Variants in ENAH observed in about 807,000 individuals in gnomAD.
ENAH encodes the protein ENAH actin regulator, also known as protein enabled homolog.
In ENAH, 23 loss-of-function variants were observed where a neutral mutation model predicts 78.7. The ratio of observed to expected loss-of-function variants is 0.29; its 90% CI spans 0.21 to 0.41. The LOEUF is 0.41. Ranked by LOEUF, ENAH falls within the 10% of genes least tolerant of loss-of-function variation. ENAH has a pLI of 1.00. For missense variants in ENAH, 544 were observed against 691.0 expected, an observed-to-expected ratio of 0.79 and a Z score of 2.39; for synonymous variants, 226 against 241.0, an observed-to-expected ratio of 0.94 and a Z score of 0.58.
intron 1 of ENAH, among the ~76,000 whole-genome samples, chr1:225,651,326 T>G (rs1283804513): frequency 6.6e-6 from 1 of 151,064 alleles, no homozygotes; most frequent in South Asian, 2.1e-4. Context: ...TAAGCCTAAG[T>G]AAAAATTCAA....
intron 3 of ENAH, among the ~76,000 whole-genome samples, chr1:225,552,363 C>T (rs1308512097): frequency 1.3e-5 from 2 of 152,076 alleles, no homozygotes; most frequent in Admixed American, 6.5e-5. Flanking sequence ...TGGTCTCAAT[C>T]TCCTGACCTC....
At chr1:225,516,740 G>A (rs1289827232) in intron 6 of ENAH, among the ~76,000 whole-genome samples, 2 of 152,018 alleles carry the variant, frequency 1.3e-5, no homozygotes, top group African/African-American at 4.8e-5. Context: ...CAGGCGTGGT[G>A]GCATGTGCCT....
chr1:225,616,062 G>C (rs1446477654), intron 1 of ENAH, among the ~76,000 whole-genome samples: 1 of 152,066 alleles, frequency 6.6e-6, no homozygotes, highest in Non-Finnish European at 1.5e-5. Context: ...CATGTGCTGT[G>C]TCCACTCAGG....
chr1:225,550,503 AAAAAC>A (rs2096636408), intron 3 of ENAH, among the ~76,000 whole-genome samples: 1 of 152,232 alleles, frequency 6.6e-6, no homozygotes, highest in Non-Finnish European at 1.5e-5. Context: ...TGGAAGACTA[AAAAAC>A]AAAACTGTCA....
At chr1:225,499,243 CG>C (rs1290670753) in intron 12 of ENAH, among the ~76,000 whole-genome samples, 122 of 151,432 alleles carry the variant, frequency 8.1e-4, no homozygotes, top group Non-Finnish European at 1.5e-4. Context: ...ACTCCAGCCT[CG>C]GCGACAAAGC....
intron 1 of ENAH, among the ~76,000 whole-genome samples, chr1:225,645,860 C>T (rs138814951): frequency 7.4e-4 from 112 of 152,284 alleles, no homozygotes; most frequent in Non-Finnish European, 1.2e-3. Context: ...CCAGAGTTAA[C>T]TTCAAAGCCT....
intron 4 of ENAH, among the ~76,000 whole-genome samples, chr1:225,527,627 T>C (rs2096515523): frequency 6.6e-6 from 1 of 152,214 alleles, no homozygotes; most frequent in South Asian, 2.1e-4. Context: ...CAAATATCTC[T>C]TTTATAATTG....
chr1:225,518,905 T>A (rs1459224659), intron 5 of ENAH: 6 of 360,408 alleles, frequency 1.7e-5, no homozygotes, highest in Non-Finnish European at 3.0e-5. Context: ...ATAAAAAATT[T>A]CCCATAAAAA....
intron 1 of ENAH, among the ~76,000 whole-genome samples, chr1:225,647,315 T>A (rs1227471826): frequency 1.3e-5 from 2 of 152,356 alleles, no homozygotes; most frequent in African/African-American, 4.8e-5. Context: ...TGCTTGTTAC[T>A]TGAAAATATT....
intron 1 of ENAH, among the ~76,000 whole-genome samples, chr1:225,585,649 C>T (rs760679935): frequency 2.6e-5 from 4 of 151,930 alleles, no homozygotes; most frequent in South Asian, 4.2e-4. Context: ...ATTAGCCGGG[C>T]GTGGTGGTGT....
At chr1:225,627,189 A>G (rs190073833) in intron 1 of ENAH, among the ~76,000 whole-genome samples, 7 of 152,346 alleles carry the variant, frequency 4.6e-5, no homozygotes, top group South Asian at 2.1e-4. Flanking sequence ...AAACTTTGGG[A>G]AAAATGTTAC....
chr1:225,589,412 A>C (rs928687797), intron 1 of ENAH, among the ~76,000 whole-genome samples: 1 of 152,202 alleles, frequency 6.6e-6, no homozygotes, highest in African/African-American at 2.4e-5. Context: ...TTAGAAATGC[A>C]TCTAAATAAA....
chr1:225,586,895 G>A (rs1456337637), intron 1 of ENAH, among the ~76,000 whole-genome samples: 7 of 147,958 alleles, frequency 4.7e-5, no homozygotes, highest in African/African-American at 7.5e-5. Context: ...GTGGTGGCAC[G>A]TGCCTGTAGA....
chr1:225,515,056 T>G (rs1214198495), intron 6 of ENAH, 156 bp from the exon 7 acceptor site: 1 of 698,790 alleles, frequency 1.4e-6, no homozygotes, highest in Non-Finnish European at 2.5e-6. Flanking sequence ...CTAGATCAGT[T>G]TTTGAAAGAT....
chr1:225,515,249 T>C (rs2096408674), intron 6 of ENAH: 2 of 253,812 alleles, frequency 7.9e-6, no homozygotes, highest in East Asian at 1.4e-4. Flanking sequence ...CAAACTAGTA[T>C]ATAGGATGGC....
At chr1:225,502,614 A>G (rs931110413) in intron 11 of ENAH, among the ~76,000 whole-genome samples, 1 of 152,222 alleles carries the variant, frequency 6.6e-6, no homozygotes, top group Non-Finnish European at 1.5e-5. Flanking sequence ...ATAGGGGGAA[A>G]AATAACTTCC....
intron 1 of ENAH, among the ~76,000 whole-genome samples, chr1:225,604,689 A>G (rs961749787): frequency 1.3e-5 from 2 of 151,446 alleles, no homozygotes; most frequent in Non-Finnish European, 2.9e-5. Flanking sequence ...GCTACTTGGG[A>G]GGCTGAGGCA....
chr1:225,532,540 A>C (rs1185831934), intron 3 of ENAH, among the ~76,000 whole-genome samples: 1 of 152,084 alleles, frequency 6.6e-6, no homozygotes, highest in East Asian at 1.9e-4. Context: ...TAATGGATTA[A>C]ATTTGCCAAT....
chr1:225,594,137 TCTGG>T lies in ENAH; in HGVS notation c.6-26727_6-26724del, dbSNP rs545125058. 6.7e-3 allele frequency among the ~76,000 whole-genome samples: 1,013 copies of T among 152,318 alleles called. 14 individuals are homozygous for T. The highest frequency in any genetic ancestry group is 0.023 in the African/African-American group (954 of 41,562). On this transcript the variant is annotated intron_variant, in intron 1 of 13. Transcript: ENST00000366843. ...TCTTGAGAACCATTCACATTGCTTC[TCTGG>T]AACACTGCTAGATTCAAAGTTTAAG...
Sources: gnomAD v4.1 joint callset for allele counts (sites outside exome capture counted in the v4.1 genomes callset) on GRCh38, gnomAD v4.1.1 for gene constraint, MANE v1.5 for transcripts, NCBI Gene and HGNC (gene_info 2026-07-23, HGNC 2026-07-21) for gene names.